CTNNA2: variants seen among roughly 807,000 people sequenced by gnomAD.
CTNNA2 encodes the protein catenin alpha 2.
In CTNNA2, 42 loss-of-function variants were observed where a neutral mutation model predicts 101.0. The observed-to-expected ratio is 0.42, with a 90% confidence interval of 0.32 to 0.54. CTNNA2 has a LOEUF of 0.54. CTNNA2 is among the 20% of genes least tolerant of loss of function. The pLI, the probability that CTNNA2 is intolerant of heterozygous loss-of-function variation, is 0.14. For synonymous variants in CTNNA2, 450 were observed against 456.4 expected, an observed-to-expected ratio of 0.99 and a Z score of 0.18; for missense variants, 871 against 1,223.1, an observed-to-expected ratio of 0.71 and a Z score of 4.29.
intron 9 of CTNNA2, among the ~76,000 whole-genome samples, chr2:80,495,677 G>A (rs911348355): frequency 6.6e-6 from 1 of 152,124 alleles, no homozygotes; most frequent in Non-Finnish European, 1.5e-5. Context: ...GTTGGCTCAC[G>A]CCTATAATCA....
intron 5 of CTNNA2, among the ~76,000 whole-genome samples, chr2:79,872,853 T>G (rs1241755302): frequency 1.5e-5 from 2 of 136,580 alleles, no homozygotes; most frequent in African/African-American, 6.2e-5. Flanking sequence ...TGGAAGAATA[T>G]TCTCCCAGAG....
intron 9 of CTNNA2, among the ~76,000 whole-genome samples, chr2:80,438,387 T>A (rs1682234268): frequency 6.6e-6 from 1 of 151,140 alleles, no homozygotes; most frequent in African/African-American, 2.4e-5. Flanking sequence ...CCCATAACGA[T>A]GCCAAATGTT....
intron 1 of CTNNA2, among the ~76,000 whole-genome samples, chr2:79,533,600 C>A (rs1413507401): frequency 6.6e-6 from 1 of 152,060 alleles, no homozygotes; most frequent in Non-Finnish European, 1.5e-5. Flanking sequence ...ATGAGAGACA[C>A]AAGTGGCCCC....
At chr2:79,737,310 C>A (rs1420189479) in intron 2 of CTNNA2, among the ~76,000 whole-genome samples, 1 of 151,312 alleles carries the variant, frequency 6.6e-6, no homozygotes, top group Admixed American at 6.6e-5. Flanking sequence ...GATTGTGCCA[C>A]CACTCTCCAG....
intron 9 of CTNNA2, among the ~76,000 whole-genome samples, chr2:80,466,451 A>C (rs1253428201): frequency 6.6e-6 from 1 of 152,224 alleles, no homozygotes; most frequent in East Asian, 1.9e-4. Context: ...GTTATGGATG[A>C]CTTTCCAGGT....
chr2:80,155,590 A>T (rs1703961738), intron 7 of CTNNA2, among the ~76,000 whole-genome samples: 1 of 152,094 alleles, frequency 6.6e-6, no homozygotes. Flanking sequence ...GAGTATTGAA[A>T]TCAAACTCAA....
At chr2:79,350,190 T>C (rs931278469) in intron 3 of CTNNA2, among the ~76,000 whole-genome samples, 4 of 152,086 alleles carry the variant, frequency 2.6e-5, no homozygotes, top group Non-Finnish European at 5.9e-5. Flanking sequence ...AATAGATATA[T>C]TGTGTAAAGG....
At chr2:80,134,831 T>A (rs1702604437) in intron 7 of CTNNA2, among the ~76,000 whole-genome samples, 1 of 152,226 alleles carries the variant, frequency 6.6e-6, no homozygotes, top group African/African-American at 2.4e-5. Context: ...ATTTTCCATT[T>A]GCACAATTTT....
At chr2:80,350,500 A>G (rs1223308705) in intron 7 of CTNNA2, among the ~76,000 whole-genome samples, 1 of 152,224 alleles carries the variant, frequency 6.6e-6, no homozygotes, top group Non-Finnish European at 1.5e-5. Flanking sequence ...GAAGTGGCAC[A>G]TAGAGCATTC....
At chr2:80,507,301 G>A (rs1688354711) in intron 9 of CTNNA2, among the ~76,000 whole-genome samples, 1 of 83,310 alleles carries the variant, frequency 1.2e-5, no homozygotes, top group Non-Finnish European at 2.7e-5. Flanking sequence ...CATCACCTAG[G>A]CAACTCTTTT....
chr2:79,300,627 C>T (rs2104389945), intron 2 of CTNNA2, among the ~76,000 whole-genome samples: 1 of 152,256 alleles, frequency 6.6e-6, no homozygotes, highest in African/African-American at 2.4e-5. Flanking sequence ...CACCTAAAAC[C>T]TGAAGACTTT....
chr2:80,011,774 G>A (rs1228346128), intron 7 of CTNNA2, among the ~76,000 whole-genome samples: 1 of 152,166 alleles, frequency 6.6e-6, no homozygotes, highest in East Asian at 1.9e-4. Context: ...AACAAATATG[G>A]ATTTAGGTGT....
At chr2:80,447,845 G>T (rs943736977) in intron 9 of CTNNA2, among the ~76,000 whole-genome samples, 2 of 152,312 alleles carry the variant, frequency 1.3e-5, no homozygotes, top group Middle Eastern at 3.4e-3. Flanking sequence ...CATATTTAGG[G>T]ATGAAGATGA....
At chr2:79,343,301 A>G (rs948000657) in intron 3 of CTNNA2, among the ~76,000 whole-genome samples, 1 of 152,226 alleles carries the variant, frequency 6.6e-6, no homozygotes, top group Non-Finnish European at 1.5e-5. Context: ...GTTTAAAAAA[A>G]ATAGGATATT....
At chr2:80,173,740 T>A (rs551757293) in intron 7 of CTNNA2, among the ~76,000 whole-genome samples, 2 of 152,080 alleles carry the variant, frequency 1.3e-5, no homozygotes, top group African/African-American at 4.8e-5. Flanking sequence ...AGGGAAGGCC[T>A]AGGGTGCATG....
At chr2:80,499,254 C>T (rs543703248) in intron 9 of CTNNA2, among the ~76,000 whole-genome samples, 3 of 152,278 alleles carry the variant, frequency 2.0e-5, no homozygotes, top group South Asian at 4.1e-4. Context: ...ATTCTGAAGG[C>T]GTACAGCTCT....
Position 79,774,073 on chromosome 2 carries a change from C to A in CTNNA2, c.298+29491C>A, listed in dbSNP as rs1178691290. ...TATTCCCTCTCTCAGAATCTGTGAA[C>A]CTGTCTTAACATTTGCCTTAACTAA... On this transcript the variant is annotated intron_variant, in intron 3 of 18. Coordinates refer to ENST00000402739, the MANE Select transcript of CTNNA2 (RefSeq NM_001282597.3). Among the ~76,000 whole-genome samples, 3 of 152,162 alleles carry A rather than the reference C, an allele frequency of 2.0e-5. No individual in the cohort carries two copies. The South Asian group carries it at 6.2e-4, about 31-fold the overall frequency.
chr2:80,620,954 C>G (rs146396281), intron 18 of CTNNA2, among the ~76,000 whole-genome samples: 158 of 151,996 alleles, frequency 1.0e-3, no homozygotes, highest in Middle Eastern at 0.01. Context: ...GTGCATGTTT[C>G]ATTTATAGTG....
intron 7 of CTNNA2, among the ~76,000 whole-genome samples, chr2:80,215,771 C>G (rs1708226796): frequency 1.3e-5 from 2 of 152,158 alleles, no homozygotes; most frequent in Non-Finnish European, 2.9e-5. Context: ...CTGGGAGAAC[C>G]ACTACTCTCT....
Sources: gnomAD v4.1 joint callset for allele counts (sites outside exome capture counted in the v4.1 genomes callset) on GRCh38, gnomAD v4.1.1 for gene constraint, MANE v1.5 for transcripts, NCBI Gene and HGNC (gene_info 2026-07-23, HGNC 2026-07-21) for gene names.